FGF14: variants seen among roughly 807,000 people sequenced by gnomAD.
FGF14 encodes the protein fibroblast growth factor 14.
A neutral mutation model predicts 25.5 loss-of-function variants in FGF14; 5 were observed. The ratio of observed to expected loss-of-function variants is 0.20; its 90% CI spans 0.10 to 0.41. The LOEUF (loss-of-function observed/expected upper bound fraction) is 0.41, where lower values mean the gene tolerates loss of function less well. Ranked by LOEUF, FGF14 falls within the 10% of genes least tolerant of loss-of-function variation. The pLI is 1.00. For missense variants in FGF14, 222 were observed against 320.1 expected, an observed-to-expected ratio of 0.69 and a Z score of 2.34; for synonymous variants, 138 against 118.3, an observed-to-expected ratio of 1.17 and a Z score of -1.08.
chr13:101,885,600 G>T (rs2138841807), intron 1 of FGF14, among the ~76,000 whole-genome samples: 1 of 152,062 alleles, frequency 6.6e-6, no homozygotes, highest in East Asian at 1.9e-4. Context: ...TATCCCTAGG[G>T]GTTCTATATT....
At chr13:102,389,646 C>A (rs2058385634) in intron 1 of FGF14, among the ~76,000 whole-genome samples, 1 of 152,166 alleles carries the variant, frequency 6.6e-6, no homozygotes, top group Non-Finnish European at 1.5e-5. Flanking sequence ...ATAACACCTC[C>A]CTGCAGAGAA....
chr13:102,053,678 C>T (rs2042310898), intron 1 of FGF14, among the ~76,000 whole-genome samples: 1 of 152,032 alleles, frequency 6.6e-6, no homozygotes, highest in African/African-American at 2.4e-5. Context: ...ATGTTTAAGT[C>T]TCACAAGCTC....
intron 3 of FGF14, among the ~76,000 whole-genome samples, chr13:101,845,858 A>G (rs1455701526): frequency 2.0e-5 from 3 of 151,972 alleles, no homozygotes; most frequent in African/African-American, 7.2e-5. Flanking sequence ...GAAAAGAGTC[A>G]TGACTTTCCT....
chr13:102,095,633 A>G (rs2044358494), intron 1 of FGF14, among the ~76,000 whole-genome samples: 1 of 151,880 alleles, frequency 6.6e-6, no homozygotes, highest in African/African-American at 2.4e-5. Flanking sequence ...GCCCCTCCTC[A>G]TTCTCCTCCC....
chr13:102,354,221 AGCT>A (rs2057363865), intron 1 of FGF14: 1 of 152,256 alleles, frequency 6.6e-6, no homozygotes, highest in Admixed American at 6.5e-5. Context: ...TTATCTTCAC[AGCT>A]GCGGGACAAA....
At chr13:102,216,212 A>G (rs577658201) in intron 1 of FGF14, among the ~76,000 whole-genome samples, 1 of 152,216 alleles carries the variant, frequency 6.6e-6, no homozygotes, top group Non-Finnish European at 1.5e-5. Flanking sequence ...CTCATTCTAT[A>G]CCTCTGAGTA....
chr13:102,290,646 C>A (rs1044895867), intron 1 of FGF14, among the ~76,000 whole-genome samples: 1 of 152,156 alleles, frequency 6.6e-6, no homozygotes, highest in Non-Finnish European at 1.5e-5. Flanking sequence ...CTGAGCCCAG[C>A]ACCAATGTAG....
At chr13:102,218,762 C>T (rs886894013) in intron 1 of FGF14, among the ~76,000 whole-genome samples, 3 of 151,980 alleles carry the variant, frequency 2.0e-5, no homozygotes, top group East Asian at 1.9e-4. Context: ...ACTCATAAAA[C>T]GATACACTCA....
chr13:102,260,260 G>A (rs985084704), intron 1 of FGF14, among the ~76,000 whole-genome samples: 7 of 152,226 alleles, frequency 4.6e-5, no homozygotes, highest in African/African-American at 1.7e-4. Context: ...TATATCTAAA[G>A]TTAAAACTAA....
intron 1 of FGF14, among the ~76,000 whole-genome samples, chr13:101,903,450 TTAAGA>T (rs1440018551): frequency 6.6e-6 from 1 of 152,166 alleles, no homozygotes; most frequent in Non-Finnish European, 1.5e-5. Flanking sequence ...ATGAGACTTG[TTAAGA>T]TAAAACAAAT....
chr13:102,075,765 G>C (rs938134306), intron 1 of FGF14, among the ~76,000 whole-genome samples: 1 of 152,164 alleles, frequency 6.6e-6, no homozygotes, highest in South Asian at 2.1e-4. Context: ...GCGTGTGATT[G>C]CTCCCGAAAA....
At chr13:102,263,802 A>T (rs572285015) in intron 1 of FGF14, among the ~76,000 whole-genome samples, 50 of 152,158 alleles carry the variant, frequency 3.3e-4, no homozygotes, top group Admixed American at 2.4e-3. Context: ...TAGACAGTGA[A>T]ATAATTCACT....
chr13:102,073,160 G>A (rs1595179078), intron 1 of FGF14, among the ~76,000 whole-genome samples: 1 of 152,290 alleles, frequency 6.6e-6, no homozygotes, highest in African/African-American at 2.4e-5. Context: ...GCTGAGGCAG[G>A]AGAATCATTT....
intron 1 of FGF14, among the ~76,000 whole-genome samples, chr13:101,886,783 C>A (rs1208602916): frequency 1.3e-5 from 2 of 152,024 alleles, no homozygotes; most frequent in South Asian, 2.1e-4. Flanking sequence ...AAAATATTTG[C>A]CAACTATCTA....
intron 1 of FGF14, among the ~76,000 whole-genome samples, chr13:101,962,612 A>T (rs369028748): frequency 8.9e-4 from 135 of 152,350 alleles, no homozygotes; most frequent in African/African-American, 3.2e-3. Context: ...GATAAAATAA[A>T]GTTCATTTTC....
chr13:101,812,352 AAAT>A (rs1400020790), intron 3 of FGF14, among the ~76,000 whole-genome samples: 2 of 151,960 alleles, frequency 1.3e-5, no homozygotes, highest in African/African-American at 4.8e-5. Context: ...CTAAGGTGGT[AAAT>A]AATACATCTT....
chr13:102,083,665 C>T (rs960645058), intron 1 of FGF14, among the ~76,000 whole-genome samples: 10 of 152,208 alleles, frequency 6.6e-5, no homozygotes, highest in African/African-American at 2.4e-4. Flanking sequence ...CCAATGTATA[C>T]CTTTCATGTA....
chr13:102,311,153 G>T (rs541459967), intron 1 of FGF14, among the ~76,000 whole-genome samples: 1 of 152,252 alleles, frequency 6.6e-6, no homozygotes, highest in African/African-American at 2.4e-5. Context: ...CATGGTCCAA[G>T]GGAAGAGGTT....
chr13:101,715,512 A>G lies in FGF14; in HGVS notation c.*7319T>C, dbSNP rs1384384708. ...TTGTGATTTATAATAGCATGTTTAA[A>G]TTTGGCACATTTTGATCATAATCAT... On this transcript the variant is annotated 3_prime_UTR_variant, in exon 5 of 5. Coordinates refer to ENST00000376143, the MANE Select transcript of FGF14 (RefSeq NM_004115.4). 1 of 1,257,340 alleles carries G rather than the reference A, an allele frequency of 8.0e-7. No individual in the cohort carries two copies. Among genetic ancestry groups the G allele is most frequent in the South Asian group, 1.2e-5 (1 of 83,232 alleles). 77.9% of individuals were successfully genotyped at this position (1,257,340 alleles called of 1,614,324 possible). A position where few individuals can be genotyped will look rare whatever the true frequency, so the allele number is the denominator to read the frequency against.
Sources: allele counts gnomAD v4.1 joint callset (sites outside exome capture counted in the v4.1 genomes callset), GRCh38; gene constraint gnomAD v4.1.1; transcripts MANE v1.5; gene names NCBI Gene and HGNC (gene_info 2026-07-23, HGNC 2026-07-21).